The following PEX14 variants were observed in gnomAD, a reference collection of about 807,000 sequenced individuals.
The protein encoded by PEX14 is peroxisomal membrane protein PEX14.
PEX14 carries 15 observed loss-of-function variants against 49.5 expected under a neutral mutation model. The observed-to-expected ratio is 0.30, with a 90% CI of 0.20 to 0.47. The LOEUF is 0.47. Ranked by LOEUF, PEX14 falls within the 20% of genes least tolerant of loss-of-function variation. PEX14 has a pLI of 1.00. For synonymous variants in PEX14, 210 were observed against 212.7 expected (o/e 0.99, Z 0.11); for missense variants, 398 against 494.8 (o/e 0.80, Z 1.86).
intron 3 of PEX14, among the ~76,000 whole-genome samples, chr1:10,582,574 G>A (rs1225559641): frequency 1.3e-5 from 2 of 152,188 alleles, no homozygotes; most frequent in African/African-American, 4.8e-5. Flanking sequence ...CAAGCTCAGA[G>A]TAGGGTTGGG....
chr1:10,538,190 G>T (rs1638895831), intron 3 of PEX14, among the ~76,000 whole-genome samples: 1 of 152,240 alleles, frequency 6.6e-6, no homozygotes, highest in African/African-American at 2.4e-5. Flanking sequence ...ATGAAGCAGG[G>T]AGCCGGGGTG....
At position 10,512,822 on chromosome 1, in the gene PEX14, T is replaced by C. The variant is rs1299406286; in HGVS notation, c.84+17501T>C. Among the ~76,000 whole-genome samples the C allele has an allele frequency of 6.6e-6, 1 of 152,088 alleles. No homozygotes were observed. The highest frequency in any genetic ancestry group is 1.5e-5 in the Non-Finnish European group (1 of 67,988). On this transcript the variant is annotated intron_variant, in intron 2 of 8. Coordinates refer to ENST00000356607, the MANE Select transcript of PEX14 (RefSeq NM_004565.3). The surrounding 1 kb of genome is among the most constrained non-coding windows in gnomAD (Gnocchi z 4.6). Reference sequence around the variant, plus strand: ...CAAGCGATTCCCTGCCTCAGCCTCCTGAGTAGCTGGGACTACAGGCGTGTG... The same window carrying C: ...CAAGCGATTCCCTGCCTCAGCCTCCCGAGTAGCTGGGACTACAGGCGTGTG...
In PEX14 at chr1:10,624,567, G is replaced by A; in HGVS notation, c.585+130G>A. Reference sequence around the variant, plus strand: ...GCCCCAGTCTCACAGTGGTTACACAGCCGTGGCCGATGCTGCCCTTTCTCT... The same window carrying A: ...GCCCCAGTCTCACAGTGGTTACACAACCGTGGCCGATGCTGCCCTTTCTCT... On this transcript the variant is annotated intron_variant, in intron 7 of 8. Coordinates refer to ENST00000356607, the MANE Select transcript of PEX14 (RefSeq NM_004565.3). 4.2e-6 allele frequency: 3 copies of A among 711,852 alleles called. No homozygotes were observed. The South Asian group carries it at 4.4e-5, about 11-fold the overall frequency. The allele number at this position is 711,852 out of a possible 1,614,324, so 44.1% of individuals were successfully genotyped here.
chr1:10,493,117 G>A (rs570879431), intron 1 of PEX14, among the ~76,000 whole-genome samples: 8 of 152,332 alleles, frequency 5.3e-5, no homozygotes, highest in African/African-American at 1.4e-4. Context: ...GCAATGTGGT[G>A]CCGCTTGAGA....
intron 1 of PEX14, among the ~76,000 whole-genome samples, chr1:10,477,406 C>T (rs1641215312): frequency 6.6e-6 from 1 of 152,224 alleles, no homozygotes; most frequent in Non-Finnish European, 1.5e-5. Context: ...CTATGGCTAT[C>T]TAACAAGAAG....
intron 3 of PEX14, among the ~76,000 whole-genome samples, chr1:10,593,903 G>A (rs1439463206): frequency 3.9e-5 from 6 of 152,178 alleles, no homozygotes; most frequent in Non-Finnish European, 8.8e-5. Flanking sequence ...GAGCAAGGTC[G>A]AAGCAAATGC....
chr1:10,622,290 C>A (rs1641618663), intron 5 of PEX14, among the ~76,000 whole-genome samples: 1 of 152,188 alleles, frequency 6.6e-6, no homozygotes. Context: ...TTCTTCTGGT[C>A]CTGCGCCTTC....
intron 7 of PEX14, 40 bp downstream of exon 7, chr1:10,624,477 C>A: frequency 7.5e-7 from 1 of 1,335,104 alleles, no homozygotes; most frequent in South Asian, 1.2e-5. Flanking sequence ...AGGCCCAGGT[C>A]TGTCCCATGT....
chr1:10,614,165 C>T (rs1641347470), intron 4 of PEX14, among the ~76,000 whole-genome samples: 2 of 152,242 alleles, frequency 1.3e-5, no homozygotes, highest in Admixed American at 1.3e-4. Context: ...GTCTGTTACC[C>T]TCTGAGAGCC....
At chr1:10,517,049 C>G (rs1327755420) in intron 2 of PEX14, 1 of 152,340 alleles carries the variant, frequency 6.6e-6, no homozygotes, top group Non-Finnish European at 1.5e-5. Flanking sequence ...CAAGCCTGCT[C>G]CCTCTGTTGC....
At chr1:10,538,306 T>C (rs1293655277) in intron 3 of PEX14, among the ~76,000 whole-genome samples, 1 of 152,208 alleles carries the variant, frequency 6.6e-6, no homozygotes, top group East Asian at 1.9e-4. Flanking sequence ...GGTGACTGTT[T>C]ATTGGTACAG....
chr1:10,626,332 C>T (rs967251871), intron 7 of PEX14, among the ~76,000 whole-genome samples: 12 of 152,196 alleles, frequency 7.9e-5, no homozygotes, highest in African/African-American at 2.4e-4. Context: ...CTGGGTCCTC[C>T]CTGTCTGGCG....
At chr1:10,526,631 G>A (rs772719534) in intron 2 of PEX14, among the ~76,000 whole-genome samples, 1 of 152,182 alleles carries the variant, frequency 6.6e-6, no homozygotes, top group African/African-American at 2.4e-5. Context: ...GGGACCAAAA[G>A]TGTTGGATTT....
At chr1:10,520,188 C>T (rs918593578) in intron 2 of PEX14, among the ~76,000 whole-genome samples, 27 of 117,822 alleles carry the variant, frequency 2.3e-4, no homozygotes, top group African/African-American at 8.2e-4. Flanking sequence ...GACAAGGTCT[C>T]ACTCTGTCAC....
chr1:10,511,024 G>C (rs553504771), intron 2 of PEX14, among the ~76,000 whole-genome samples: 2 of 152,112 alleles, frequency 1.3e-5, no homozygotes, highest in African/African-American at 2.4e-5. Flanking sequence ...CCACCTCCTC[G>C]TTCTCCACAT....
intron 3 of PEX14, among the ~76,000 whole-genome samples, chr1:10,554,000 A>AAAATGTGG (rs1639408711): frequency 6.6e-6 from 1 of 152,086 alleles, no homozygotes; most frequent in African/African-American, 2.4e-5. Context: ...AGAAGTTTAC[A>AAAATGTGG]AAATGTGGGC....
chr1:10,536,226 T>G lies in PEX14; in HGVS notation c.98T>G (p.Val33Gly). The change falls in exon 3 of 9, where the codon GTG becomes GGG. Residue 33 changes from valine (V) to glycine (G), a missense_variant. This residue lies in a region of PEX14 where 56 missense variants were observed against 40.8 expected (regional missense o/e 1.37). Transcript: ENST00000356607. The stretch of plus-strand genomic sequence containing the variant: ...CTCTCTCACCAGATTGCCACGGCAG[T>G]GAAGTTTCTACAGAATTCCCGGGTC... ...LPREPLIATA[V>G]KFLQNSRVRQ... The G allele has an allele frequency of 6.2e-7, 1 of 1,608,252 alleles. No individual in the cohort carries two copies. The highest frequency in any genetic ancestry group is 1.1e-5 in the South Asian group (1 of 90,976).
rs186981407 is a variant in PEX14 at position 10,542,148 on chromosome 1, G to C, written c.169+5851G>C. ...CATGGTCTTAAAAATTCAAACAGTAGAGAAGGGTATACAGTAAAAAATAAG... is the reference window on the plus strand; with the variant it reads ...CATGGTCTTAAAAATTCAAACAGTACAGAAGGGTATACAGTAAAAAATAAG... On this transcript the variant is annotated intron_variant, in intron 3 of 8. Transcript: ENST00000356607. Among the ~76,000 whole-genome samples the C allele has an allele frequency of 1.4e-4, 22 of 152,236 alleles. No homozygotes were observed. In the East Asian group the frequency reaches 3.5e-3, roughly 24 times the overall value.
intron 2 of PEX14, among the ~76,000 whole-genome samples, chr1:10,497,686 T>C (rs147271432): frequency 8.5e-4 from 130 of 152,318 alleles, no homozygotes; most frequent in African/African-American, 2.9e-3. Context: ...GGAAGAGCTC[T>C]GCGGAGGGCG....
Sources: allele counts gnomAD v4.1 joint callset (sites outside exome capture counted in the v4.1 genomes callset), GRCh38; gene constraint gnomAD v4.1.1; regional missense constraint gnomAD v4.1.1; non-coding constraint Gnocchi (gnomAD v3.1); transcripts MANE v1.5; gene names NCBI Gene and HGNC (gene_info 2026-07-23, HGNC 2026-07-21).